Variants in FAT4 observed in about 807,000 individuals in gnomAD.
FAT4 encodes the protein FAT atypical cadherin 4.
Under a neutral mutation model 303.9 loss-of-function variants are expected in FAT4, and 84 were observed. The observed-to-expected ratio is 0.28, with a 90% confidence interval of 0.23 to 0.33. The LOEUF (loss-of-function observed/expected upper bound fraction) is 0.33. FAT4 is among the 10% of genes least tolerant of loss of function. The pLI, the probability that FAT4 is intolerant of heterozygous loss-of-function variation, is 1.00. For missense variants in FAT4, 6,005 were observed against 6,146.8 expected, an observed-to-expected ratio of 0.98 and a Z score of 0.77; for synonymous variants, 2,307 against 2,298.8, an observed-to-expected ratio of 1.00 and a Z score of -0.10.
intron 3 of FAT4, among the ~76,000 whole-genome samples, chr4:125,403,130 T>A (rs984866177): frequency 6.6e-6 from 1 of 152,058 alleles, no homozygotes; most frequent in South Asian, 2.1e-4. Flanking sequence ...ATAACAACTA[T>A]CATTTTCCTG....
intron 11 of FAT4, among the ~76,000 whole-genome samples, chr4:125,464,539 C>CT (rs1258724678): frequency 6.7e-6 from 1 of 149,222 alleles, no homozygotes; most frequent in Non-Finnish European, 1.5e-5. Flanking sequence ...TTTTATTATA[C>CT]TTTAAGTTCT....
intron 11 of FAT4, among the ~76,000 whole-genome samples, chr4:125,466,682 C>T (rs1726672971): frequency 1.3e-5 from 2 of 150,264 alleles, no homozygotes; most frequent in South Asian, 4.2e-4. Flanking sequence ...ATATATATGA[C>T]ATAACATATA....
chr4:125,481,589 G>C lies in FAT4; in HGVS notation c.12673G>C (p.Glu4225Gln). ...GRLDYHMSQN[E>Q]KREYLLRQSL... The stretch of plus-strand genomic sequence containing the variant: ...CTTGGACTACCACATGAGTCAGAAT[G>C]AGAAGCGGGAATATTTGTTAAGGCA... The change falls in exon 16 of 18, where the codon GAG (glutamate) becomes CAG (glutamine). Residue 4225 changes from glutamate to glutamine, a missense_variant. Transcript: ENST00000394329. 6.2e-7 allele frequency: 1 copy of C among 1,614,064 alleles called. No homozygotes were observed. Among genetic ancestry groups the C allele is most frequent in the Middle Eastern group, 1.6e-4 (1 of 6,062 alleles).
intron 2 of FAT4, among the ~76,000 whole-genome samples, chr4:125,367,980 A>G (rs912413294): frequency 6.6e-6 from 1 of 152,164 alleles, no homozygotes; most frequent in African/African-American, 2.4e-5. Context: ...GGAACTCTCT[A>G]AATCTGCCAG....
At chr4:125,351,095 T>C (rs929180826) in intron 2 of FAT4, among the ~76,000 whole-genome samples, 4 of 151,744 alleles carry the variant, frequency 2.6e-5, no homozygotes, top group African/African-American at 7.2e-5. Flanking sequence ...ATGTGATTGA[T>C]TGGTTAGATT....
At position 125,319,307 on chromosome 4, in the gene FAT4, A is replaced by G. The variant is rs778631726; in HGVS notation, c.2896A>G (p.Ile966Val). ...DVHAGSYQIE[I>V]LASDMGVPQL... ...TCATGCTGGCTCCTACCAAATAGAGATCTTGGCATCTGACATGGGTGTCCC... is the reference window on the plus strand; with the variant it reads ...TCATGCTGGCTCCTACCAAATAGAGGTCTTGGCATCTGACATGGGTGTCCC... Residue 966 changes from isoleucine to valine, a missense_variant, in exon 2 of 18, where the codon ATC (isoleucine) becomes GTC (valine). Ile to Val is a conservative substitution (Grantham distance 29). Coordinates refer to ENST00000394329, the MANE Select transcript of FAT4 (RefSeq NM_001291303.3). 51 of 1,613,934 alleles carry G rather than the reference A, an allele frequency of 3.2e-5. No homozygotes were observed. The Admixed American group carries it at 4.8e-4, about 15-fold the overall frequency.
intron 2 of FAT4, among the ~76,000 whole-genome samples, chr4:125,378,344 T>C (rs909877909): frequency 6.6e-6 from 1 of 152,106 alleles, no homozygotes. Context: ...AACAGACACA[T>C]AGTAACTCCT....
At chr4:125,486,262 G>GT (rs75519817) in intron 16 of FAT4, among the ~76,000 whole-genome samples, 1,341 of 133,320 alleles carry the variant, frequency 0.01, 7 homozygotes, top group Middle Eastern at 0.017. Context: ...AGAATTTTCT[G>GT]TTTTTTTTTT....
chr4:125,459,901 A>T (rs1726424296), intron 10 of FAT4, among the ~76,000 whole-genome samples: 1 of 152,100 alleles, frequency 6.6e-6, no homozygotes, highest in Non-Finnish European at 1.5e-5. Context: ...AAGTAGATAG[A>T]CTTGCACAAA....
chr4:125,416,580 A>G lies in FAT4; in HGVS notation c.6976A>G (p.Thr2326Ala), dbSNP rs757774648. ...AGTAACACAGAGTCTGGATCGGGAAACAAAAGAGCGCTTTGTCTTAATGAT... is the reference window on the plus strand; with the variant it reads ...AGTAACACAGAGTCTGGATCGGGAAGCAAAAGAGCGCTTTGTCTTAATGAT... The part of the protein sequence containing the change: ...LGVTQSLDRE[T>A]KERFVLMITA... Residue 2326 changes from threonine to alanine, a missense_variant, in exon 7 of 18, where the codon ACA becomes GCA. Thr to Ala is a moderately conservative substitution (Grantham distance 58). Coordinates refer to ENST00000394329, the MANE Select transcript of FAT4 (RefSeq NM_001291303.3). The G allele has an allele frequency of 3.8e-5, 61 of 1,614,000 alleles. No individual in the cohort carries two copies. The South Asian group carries it at 6.6e-4, about 17-fold the overall frequency.
intron 2 of FAT4, among the ~76,000 whole-genome samples, chr4:125,322,520 A>T (rs1198567034): frequency 6.6e-6 from 1 of 152,044 alleles, no homozygotes; most frequent in South Asian, 2.1e-4. Context: ...GCTGTTTCTC[A>T]GTTCATTCTT....
intron 2 of FAT4, among the ~76,000 whole-genome samples, chr4:125,367,035 T>G (rs892381373): frequency 6.6e-6 from 1 of 152,160 alleles, no homozygotes; most frequent in Non-Finnish European, 1.5e-5. Context: ...AAATTTTTTT[T>G]GCATTCTGTA....
At chr4:125,468,956 T>A (rs1726768344) in intron 12 of FAT4, 137 bp downstream of exon 12, 2 of 912,836 alleles carry the variant, frequency 2.2e-6, no homozygotes, top group Admixed American at 2.8e-5. Flanking sequence ...GACATAATAT[T>A]TTTCTTTTGC....
intron 11 of FAT4, 110 bp downstream of exon 11, chr4:125,463,777 G>A (rs1268812414): frequency 1.8e-6 from 1 of 557,488 alleles, no homozygotes; most frequent in African/African-American, 1.9e-5. Flanking sequence ...GTTTTACATG[G>A]AAGGTTTTAT....
At chr4:125,480,634 A>G (rs1727193255) in intron 15 of FAT4, among the ~76,000 whole-genome samples, 1 of 152,144 alleles carries the variant, frequency 6.6e-6, no homozygotes, top group Non-Finnish European at 1.5e-5. Context: ...AATAAAATTG[A>G]GGATATAATA....
chr4:125,388,519 G>A (rs953748733), intron 2 of FAT4, among the ~76,000 whole-genome samples: 5 of 152,056 alleles, frequency 3.3e-5, no homozygotes, highest in South Asian at 2.1e-4. Context: ...ACTACAGGAC[G>A]CATTTGTAGG....
At chr4:125,377,971 A>C (rs1268010313) in intron 2 of FAT4, among the ~76,000 whole-genome samples, 1 of 152,072 alleles carries the variant, frequency 6.6e-6, no homozygotes, top group Non-Finnish European at 1.5e-5. Flanking sequence ...AACCTGAAAA[A>C]ACTATTGCAC....
chr4:125,421,948 ACTCT>A (rs1385307223), intron 7 of FAT4, among the ~76,000 whole-genome samples: 1 of 151,996 alleles, frequency 6.6e-6, no homozygotes, highest in Non-Finnish European at 1.5e-5. Context: ...TATATTGCTG[ACTCT>A]CTCCATGAAA....
chr4:125,316,990 G>C lies in FAT4; in HGVS notation c.579G>C (p.Pro193=). The C allele has an allele frequency of 2.5e-6, 4 of 1,613,968 alleles. No homozygotes were observed. The highest frequency in any genetic ancestry group is 3.4e-6 in the Non-Finnish European group (4 of 1,180,026). ...GRFRLDITLN[P]SGEGAFLHLV... is the part of the protein sequence containing the mutation. ...TCCGTCTGGACATCACCCTGAACCCGAGCGGCGAGGGAGCGTTCCTGCATC... is the reference window on the plus strand; with the variant it reads ...TCCGTCTGGACATCACCCTGAACCCCAGCGGCGAGGGAGCGTTCCTGCATC... Residue 193 remains proline, a synonymous_variant, in exon 2 of 18, where the codon CCG becomes CCC. Transcript: ENST00000394329. The surrounding 1 kb of genome is among the most constrained non-coding windows in gnomAD (Gnocchi z 5.7).
Sources: gnomAD v4.1 joint callset for allele counts (sites outside exome capture counted in the v4.1 genomes callset) on GRCh38, gnomAD v4.1.1 for gene constraint, Gnocchi (gnomAD v3.1) non-coding constraint, MANE v1.5 for transcripts, NCBI Gene and HGNC (gene_info 2026-07-23, HGNC 2026-07-21) for gene names.